Variants in DCC observed in about 807,000 individuals in gnomAD.
The protein encoded by DCC is DCC netrin 1 receptor.
Under a neutral mutation model 172.5 loss-of-function variants are expected in DCC, and 58 were observed. The observed-to-expected ratio is 0.34, with a 90% CI of 0.27 to 0.42. DCC has a LOEUF of 0.42. Among genes scored for constraint, DCC ranks in the 10% least tolerant of loss-of-function variants. The probability of loss-of-function intolerance (pLI) is 1.00; values close to 1 mark genes in which losing one functional copy is unlikely to be tolerated. For missense variants in DCC, 1,740 were observed against 1,791.0 expected (o/e 0.97, Z 0.51); for synonymous variants, 709 against 644.5 (o/e 1.10, Z -1.52).
chr18:53,066,353 GTATATATA>G (rs10526030), intron 7 of DCC, among the ~76,000 whole-genome samples, 187 bp downstream of exon 7: 2,469 of 94,350 alleles, frequency 0.026, 55 homozygotes, highest in East Asian at 0.055. Context: ...GTACATGTGT[GTATATATA>G]TATATATATA....
intron 2 of DCC, among the ~76,000 whole-genome samples, chr18:52,795,006 A>C (rs754129228): frequency 2.6e-5 from 4 of 151,858 alleles, no homozygotes; most frequent in Non-Finnish European, 4.4e-5. Flanking sequence ...TATCTTTTCA[A>C]TGTGTTGTTG....
At position 52,984,464 on chromosome 18, in the gene DCC, C is replaced by T. The variant is rs569226035; in HGVS notation, c.985+59094C>T. 2.6e-5 allele frequency among the ~76,000 whole-genome samples: 4 copies of T among 152,044 alleles called. No individual in the cohort carries two copies. In the East Asian group the frequency reaches 5.8e-4, roughly 22 times the overall value. On this transcript the variant is annotated intron_variant, in intron 5 of 28. Transcript: ENST00000442544. The stretch of plus-strand genomic sequence containing the variant: ...AAATTAAGTTGAAAATTCATTTCCT[C>T]ATAAGGGAAAAATAATAAACATAAA...
chr18:52,726,352 C>T (rs553480646), intron 1 of DCC, among the ~76,000 whole-genome samples: 8 of 152,190 alleles, frequency 5.3e-5, no homozygotes, highest in South Asian at 2.1e-4. Flanking sequence ...GTGATTCTTG[C>T]GTAGTAATTG....
At chr18:53,428,145 TATAATATATAATATA>T (rs1474215057) in intron 21 of DCC, among the ~76,000 whole-genome samples, 1 of 49,504 alleles carries the variant, frequency 2.0e-5, no homozygotes, top group Non-Finnish European at 4.1e-5. Context: ...TATAATAATA[TATAATATATAATATA>T]ATAATATATA....
Position 53,338,297 on chromosome 18 carries a change from G to C in DCC, c.2165-1416G>C, listed in dbSNP as rs1412737856. ...CTAGGCTCACACCTCAAACATAATA[G>C]TTGTTGTATAAATATTTATTAATTG... is the stretch of plus-strand genomic sequence containing the variant. On this transcript the variant is annotated intron_variant, in intron 14 of 28. Coordinates refer to ENST00000442544, the MANE Select transcript of DCC (RefSeq NM_005215.4). Among the ~76,000 whole-genome samples the C allele has an allele frequency of 1.4e-4, 22 of 152,114 alleles. 1 individual carries two copies. The highest frequency in any genetic ancestry group is 1.4e-3 in the Admixed American group (22 of 15,250).
At chr18:53,291,239 G>A (rs763496349) in intron 12 of DCC, among the ~76,000 whole-genome samples, 27 of 151,832 alleles carry the variant, frequency 1.8e-4, no homozygotes, top group Non-Finnish European at 2.8e-4. Flanking sequence ...CTCTGATTAA[G>A]CGTTATACAG....
chr18:52,927,138 T>TAC (rs1367896954), intron 5 of DCC, among the ~76,000 whole-genome samples: 1,577 of 43,558 alleles, frequency 0.036, 339 homozygotes, highest in African/African-American at 0.096. Flanking sequence ...CGTATATACG[T>TAC]GTATATATGT....
At chr18:52,754,268 T>C (rs1250397293) in intron 2 of DCC, 1 of 152,236 alleles carries the variant, frequency 6.6e-6, no homozygotes, top group East Asian at 1.9e-4. Flanking sequence ...AGATATGTGG[T>C]TAATTCCCAT....
intron 1 of DCC, among the ~76,000 whole-genome samples, chr18:52,507,958 G>A (rs550235227): frequency 1.5e-4 from 23 of 152,056 alleles, no homozygotes; most frequent in East Asian, 5.8e-4. Context: ...AAAATTAGCC[G>A]TGCATGGTGG....
intron 12 of DCC, among the ~76,000 whole-genome samples, chr18:53,229,588 C>T (rs1336550727): frequency 6.6e-6 from 1 of 152,012 alleles, no homozygotes; most frequent in Non-Finnish European, 1.5e-5. Flanking sequence ...TGAAATTGGC[C>T]TTCTTCGGTG....
intron 14 of DCC, among the ~76,000 whole-genome samples, chr18:53,334,785 A>G (rs949333862): frequency 1.7e-4 from 26 of 152,186 alleles, no homozygotes; most frequent in African/African-American, 5.1e-4. Flanking sequence ...TTAGAGGCCA[A>G]ATACTATTCC....
At chr18:52,910,178 G>T (rs111250980) in intron 3 of DCC, among the ~76,000 whole-genome samples, 1 of 152,184 alleles carries the variant, frequency 6.6e-6, no homozygotes, top group African/African-American at 2.4e-5. Flanking sequence ...TGTTTGGTTT[G>T]GTCCTGGAAA....
chr18:53,487,204 T>C (rs2045911355), intron 26 of DCC, among the ~76,000 whole-genome samples: 1 of 152,172 alleles, frequency 6.6e-6, no homozygotes, highest in Non-Finnish European at 1.5e-5. Flanking sequence ...GAAACAAATG[T>C]CAAGTGGTTC....
At chr18:53,374,652 T>C (rs2058091392) in intron 15 of DCC, among the ~76,000 whole-genome samples, 1 of 152,132 alleles carries the variant, frequency 6.6e-6, no homozygotes, top group South Asian at 2.1e-4. Flanking sequence ...CCATGACATA[T>C]GCTAACATAC....
At chr18:53,045,853 A>G (rs1023942681) in intron 5 of DCC, among the ~76,000 whole-genome samples, 1 of 151,938 alleles carries the variant, frequency 6.6e-6, no homozygotes. Flanking sequence ...CATGAATTTT[A>G]TAATCATTCC....
At chr18:53,386,512 A>T (rs546483409) in intron 16 of DCC, among the ~76,000 whole-genome samples, 84 of 152,260 alleles carry the variant, frequency 5.5e-4, no homozygotes, top group African/African-American at 1.9e-3. Context: ...TTGTCCCTGC[A>T]TAAAGGTTGC....
intron 16 of DCC, among the ~76,000 whole-genome samples, chr18:53,388,816 A>G (rs1159187856): frequency 6.6e-6 from 1 of 152,148 alleles, no homozygotes; most frequent in Non-Finnish European, 1.5e-5. Context: ...ATAGGGTCTC[A>G]TTCTGTTGCC....
At chr18:53,526,848 T>TCACCCAGGC in intron 28 of DCC, 89 bp downstream of exon 28, 2 of 959,114 alleles carry the variant, frequency 2.1e-6, no homozygotes, top group Non-Finnish European at 1.7e-6. Context: ...TACTGTCCAT[T>TCACCCAGGC]CACCCCAGGC....
At chr18:52,459,705 G>A (rs1297680664) in intron 1 of DCC, among the ~76,000 whole-genome samples, 7 of 151,974 alleles carry the variant, frequency 4.6e-5, no homozygotes, top group Middle Eastern at 3.4e-3. Context: ...TCCTGACCTC[G>A]TGATATGCCC....
Sources: allele counts gnomAD v4.1 joint callset (sites outside exome capture counted in the v4.1 genomes callset), GRCh38; gene constraint gnomAD v4.1.1; transcripts MANE v1.5; gene names NCBI Gene and HGNC (gene_info 2026-07-23, HGNC 2026-07-21).